The following GRID2 variants were observed in gnomAD, a reference collection of about 807,000 sequenced individuals.
GRID2 encodes glutamate receptor ionotropic, delta-2.
In GRID2, 33 loss-of-function variants were observed where a neutral mutation model predicts 114.8. The observed-to-expected ratio is 0.29, with a 90% CI of 0.22 to 0.38. The LOEUF (loss-of-function observed/expected upper bound fraction) is 0.38. Among genes scored for constraint, GRID2 ranks in the 10% least tolerant of loss-of-function variants. GRID2 has a pLI of 1.00. For synonymous variants in GRID2, 505 were observed against 449.9 expected (o/e 1.12, Z -1.55); for missense variants, 1,184 against 1,257.7 (o/e 0.94, Z 0.89).
At chr4:92,778,737 G>A (rs1011732729) in intron 2 of GRID2, among the ~76,000 whole-genome samples, 4 of 152,038 alleles carry the variant, frequency 2.6e-5, no homozygotes, top group Admixed American at 2.6e-4. Context: ...CAGAGTTAAA[G>A]TCTTACAGAA....
At chr4:92,671,685 C>G (rs990811954) in intron 2 of GRID2, among the ~76,000 whole-genome samples, 2 of 152,004 alleles carry the variant, frequency 1.3e-5, no homozygotes, top group African/African-American at 4.8e-5. Context: ...TAAAAGTAGT[C>G]TAGGGAGGCA....
At chr4:93,271,764 T>C (rs528184570) in intron 8 of GRID2, among the ~76,000 whole-genome samples, 1 of 152,128 alleles carries the variant, frequency 6.6e-6, no homozygotes, top group South Asian at 2.1e-4. Context: ...ATGCAAAAAA[T>C]ATGATTATTT....
chr4:93,024,440 T>G (rs1419752310), intron 2 of GRID2, among the ~76,000 whole-genome samples: 2 of 151,820 alleles, frequency 1.3e-5, no homozygotes, highest in African/African-American at 4.8e-5. Flanking sequence ...GTAAATTTAT[T>G]GACTTCTAGA....
At chr4:93,400,556 A>G (rs1433257593) in intron 9 of GRID2, among the ~76,000 whole-genome samples, 1 of 152,108 alleles carries the variant, frequency 6.6e-6, no homozygotes, top group African/African-American at 2.4e-5. Flanking sequence ...TGAAAACACT[A>G]TTGGAAACAT....
At chr4:92,660,036 TTTG>T (rs1426139171) in intron 2 of GRID2, among the ~76,000 whole-genome samples, 1 of 151,446 alleles carries the variant, frequency 6.6e-6, no homozygotes, top group Non-Finnish European at 1.5e-5. Context: ...TGAAAATTAT[TTTG>T]TTATTTTTTC....
intron 2 of GRID2, among the ~76,000 whole-genome samples, chr4:92,659,619 T>A (rs1238224587): frequency 6.6e-6 from 1 of 151,574 alleles, no homozygotes; most frequent in African/African-American, 2.4e-5. Context: ...TCCTGATCAA[T>A]ACTTTAGAAA....
At chr4:93,612,887 G>A (rs989612541) in intron 13 of GRID2, among the ~76,000 whole-genome samples, 2 of 144,772 alleles carry the variant, frequency 1.4e-5, no homozygotes, top group Non-Finnish European at 3.1e-5. Flanking sequence ...AGTTCTCCAG[G>A]ATAATATCCT....
intron 10 of GRID2, among the ~76,000 whole-genome samples, chr4:93,442,980 C>T (rs1452436911): frequency 7.2e-5 from 11 of 151,970 alleles, no homozygotes; most frequent in African/African-American, 2.2e-4. Flanking sequence ...CTCTCTGTCA[C>T]GCCTTATATA....
intron 2 of GRID2, among the ~76,000 whole-genome samples, chr4:93,036,334 C>T (rs1724931370): frequency 6.6e-6 from 1 of 152,022 alleles, no homozygotes; most frequent in Non-Finnish European, 1.5e-5. Context: ...ACATATGATG[C>T]CATATAATTT....
chr4:92,904,894 T>C (rs1433766606), intron 2 of GRID2, among the ~76,000 whole-genome samples: 1 of 151,990 alleles, frequency 6.6e-6, no homozygotes, highest in Non-Finnish European at 1.5e-5. Flanking sequence ...TGAATTCTGG[T>C]GGAAAGAAAT....
At chr4:93,162,232 G>A (rs1444134353) in intron 4 of GRID2, among the ~76,000 whole-genome samples, 3 of 151,868 alleles carry the variant, frequency 2.0e-5, no homozygotes, top group Non-Finnish European at 4.4e-5. Context: ...TATCAGAATT[G>A]TAATAAGTTA....
chr4:92,761,076 T>C (rs1737987656), intron 2 of GRID2, among the ~76,000 whole-genome samples: 1 of 152,200 alleles, frequency 6.6e-6, no homozygotes, highest in African/African-American at 2.4e-5. Context: ...CATTGTATCC[T>C]GGATCAATTG....
rs1008311457 is a variant in GRID2 at position 93,128,027 on chromosome 4, C to CAAAAAAAAAAAAAAAAAAA, written c.735+17088_735+17106dup. Among the ~76,000 whole-genome samples the CAAAAAAAAAAAAAAAAAAA allele has an allele frequency of 8.8e-4, 18 of 20,340 alleles. 3 individuals carry two copies. The highest frequency in any genetic ancestry group is 3.0e-3 in the African/African-American group (18 of 5,962). The allele number at this position is 20,340 out of a possible 152,430, so 13.3% of individuals were successfully genotyped here. On this transcript the variant is annotated intron_variant, in intron 4 of 15. Transcript: ENST00000282020. ...CAGAGTAAGACCTTGTCCCCCGCAA[C>CAAAAAAAAAAAAAAAAAAA]AAAAAAAAAAAAAAAAAAAAAAAAA...
chr4:93,294,850 G>A (rs968812775), intron 8 of GRID2, among the ~76,000 whole-genome samples: 1 of 152,158 alleles, frequency 6.6e-6, no homozygotes. Flanking sequence ...ATGAGCCACC[G>A]TGCCCAGTTC....
intron 14 of GRID2, among the ~76,000 whole-genome samples, chr4:93,732,781 G>T (rs753100728): frequency 3.9e-5 from 6 of 152,068 alleles, no homozygotes; most frequent in Non-Finnish European, 8.8e-5. Context: ...TTACAAAAAT[G>T]CTTTTGAAAA....
At chr4:93,356,433 T>C (rs1194324808) in intron 8 of GRID2, among the ~76,000 whole-genome samples, 1 of 152,006 alleles carries the variant, frequency 6.6e-6, no homozygotes, top group Non-Finnish European at 1.5e-5. Flanking sequence ...TTATTCATTC[T>C]ACTTTAAGAA....
At chr4:92,390,848 C>T (rs575926143) in intron 1 of GRID2, among the ~76,000 whole-genome samples, 4 of 152,176 alleles carry the variant, frequency 2.6e-5, no homozygotes, top group African/African-American at 9.6e-5. Context: ...CTGTTTTTCT[C>T]ACTAAGATAA....
chr4:92,712,270 G>A (rs1025199603), intron 2 of GRID2, among the ~76,000 whole-genome samples: 2 of 151,738 alleles, frequency 1.3e-5, no homozygotes, highest in African/African-American at 4.8e-5. Flanking sequence ...ATCTTTGAAG[G>A]TATTTCATTT....
chr4:92,470,262 C>T (rs79865969), intron 1 of GRID2, among the ~76,000 whole-genome samples: 3,327 of 151,872 alleles, frequency 0.022, 128 homozygotes, highest in African/African-American at 0.074. Context: ...TGCTAAAGTT[C>T]TCTCTTTTTT....
Sources: allele counts gnomAD v4.1 joint callset (sites outside exome capture counted in the v4.1 genomes callset), GRCh38; gene constraint gnomAD v4.1.1; transcripts MANE v1.5; gene names NCBI Gene and HGNC (gene_info 2026-07-23, HGNC 2026-07-21).